TOX: variants seen among roughly 807,000 people sequenced by gnomAD.
The protein encoded by TOX is thymocyte selection associated high mobility group box, also known as thymocyte selection-associated high mobility group box protein TOX.
In TOX, 11 loss-of-function variants were observed where a neutral mutation model predicts 53.7. The ratio of observed to expected loss-of-function variants is 0.20; its 90% CI spans 0.13 to 0.34. The LOEUF (loss-of-function observed/expected upper bound fraction) is 0.34. Among genes scored for constraint, TOX ranks in the 10% least tolerant of loss-of-function variants. The pLI is 1.00. For missense variants in TOX, 570 were observed against 664.6 expected, an observed-to-expected ratio of 0.86 and a Z score of 1.56; for synonymous variants, 225 against 245.3, an observed-to-expected ratio of 0.92 and a Z score of 0.77.
intron 3 of TOX, among the ~76,000 whole-genome samples, chr8:58,879,662 G>A (rs1468496061): frequency 2.0e-5 from 3 of 152,176 alleles, no homozygotes; most frequent in South Asian, 2.1e-4. Flanking sequence ...GCCACAGTAC[G>A]TTCCCTGCAA....
At chr8:59,097,104 T>G (rs1415312060) in intron 1 of TOX, among the ~76,000 whole-genome samples, 2 of 152,156 alleles carry the variant, frequency 1.3e-5, no homozygotes, top group Non-Finnish European at 2.9e-5. Context: ...GGGGAACACG[T>G]GATCAGGAAG....
chr8:59,111,265 T>C (rs996306519), intron 1 of TOX, among the ~76,000 whole-genome samples: 1 of 152,184 alleles, frequency 6.6e-6, no homozygotes, highest in African/African-American at 2.4e-5. Flanking sequence ...AGTCTTTCCC[T>C]GAGAAAGGCC....
intron 2 of TOX, among the ~76,000 whole-genome samples, chr8:58,946,297 C>T (rs904782874): frequency 2.0e-5 from 3 of 152,084 alleles, no homozygotes; most frequent in Admixed American, 6.5e-5. Context: ...TTCCTCTGTA[C>T]ATTTTTAGAA....
At position 59,044,287 on chromosome 8, in the gene TOX, T is replaced by C. The variant is rs141718516; in HGVS notation, c.102+74599A>G. Among the ~76,000 whole-genome samples the C allele has an allele frequency of 2.0e-5, 3 of 150,500 alleles. No individual in the cohort carries two copies. In the East Asian group the frequency reaches 5.9e-4, roughly 30 times the overall value. On this transcript the variant is annotated intron_variant, in intron 1 of 8. Coordinates refer to ENST00000361421, the MANE Select transcript of TOX (RefSeq NM_014729.3). Reference sequence around the variant, plus strand: ...CCAACACTGTGTGAAGCAACAGCTCTGCCAAAACTGTGAATAATTAACAGA... The same window carrying C: ...CCAACACTGTGTGAAGCAACAGCTCCGCCAAAACTGTGAATAATTAACAGA...
intron 3 of TOX, among the ~76,000 whole-genome samples, chr8:58,893,014 G>A (rs1318995893): frequency 1.3e-5 from 2 of 152,136 alleles, no homozygotes; most frequent in Non-Finnish European, 2.9e-5. Flanking sequence ...AACACCATAT[G>A]TTTCAGGTCA....
intron 1 of TOX, among the ~76,000 whole-genome samples, chr8:59,015,337 A>C (rs1262850152): frequency 6.6e-6 from 1 of 152,254 alleles, no homozygotes; most frequent in Non-Finnish European, 1.5e-5. Context: ...TTTCTCAAAC[A>C]TATAGCTGAA....
intron 3 of TOX, among the ~76,000 whole-genome samples, chr8:58,923,982 A>C (rs1812115529): frequency 6.6e-6 from 1 of 152,220 alleles, no homozygotes; most frequent in Admixed American, 6.5e-5. Flanking sequence ...TCAGTTTGGG[A>C]ATCAACTTTC....
intron 3 of TOX, among the ~76,000 whole-genome samples, chr8:58,859,378 T>C (rs547077371): frequency 1.6e-4 from 24 of 152,316 alleles, no homozygotes; most frequent in African/African-American, 5.3e-4. Flanking sequence ...TGATTTCAAC[T>C]CTGCATTTCC....
At chr8:59,103,568 AC>A (rs1473065598) in intron 1 of TOX, among the ~76,000 whole-genome samples, 1 of 152,200 alleles carries the variant, frequency 6.6e-6, no homozygotes, top group East Asian at 1.9e-4. Context: ...GCCTTCTAAG[AC>A]CTATGTAGAT....
intron 3 of TOX, among the ~76,000 whole-genome samples, chr8:58,867,501 G>C (rs532008470): frequency 6.6e-6 from 1 of 152,070 alleles, no homozygotes; most frequent in Non-Finnish European, 1.5e-5. Flanking sequence ...AGGCTTTCCC[G>C]GACAAGCCTA....
rs79795672 is a variant in TOX, at chr8:59,034,865, G to A, written c.103-74857C>T. 5.1e-3 allele frequency among the ~76,000 whole-genome samples: 781 copies of A among 152,270 alleles called. 11 individuals carry two copies. Among genetic ancestry groups the A allele is most frequent in the African/African-American group, 0.017 (721 of 41,560 alleles). On this transcript the variant is annotated intron_variant, in intron 1 of 8. Coordinates refer to ENST00000361421, the MANE Select transcript of TOX (RefSeq NM_014729.3). The stretch of plus-strand genomic sequence containing the variant: ...CATTTTGTCCACACAGCAACCCTAC[G>A]GGGTAGGAATGAGTATCATCCCCAT...
intron 1 of TOX, among the ~76,000 whole-genome samples, chr8:59,007,592 T>A (rs1813815649): frequency 1.3e-5 from 2 of 152,176 alleles, no homozygotes; most frequent in Admixed American, 6.5e-5. Flanking sequence ...AAATCACAAT[T>A]TCAGTAAGAA....
chr8:58,907,371 A>G (rs1373386134), intron 3 of TOX, among the ~76,000 whole-genome samples: 3 of 151,508 alleles, frequency 2.0e-5, no homozygotes, highest in Admixed American at 2.0e-4. Context: ...ATTCAGGCAG[A>G]CCACCTGAGG....
At chr8:59,060,207 G>C (rs1358600291) in intron 1 of TOX, among the ~76,000 whole-genome samples, 2 of 152,208 alleles carry the variant, frequency 1.3e-5, no homozygotes, top group South Asian at 4.2e-4. Context: ...GACAACATTT[G>C]ATAGCCCCGT....
In TOX at chr8:58,815,467, G is replaced by C; in HGVS notation, c.1263C>G (p.Leu421=). Residue 421 remains leucine (L), a synonymous_variant, in exon 7 of 9, where the codon CTC becomes CTG. Coordinates refer to ENST00000361421, the MANE Select transcript of TOX (RefSeq NM_014729.3). ...ANMAVSPPPP[L]QISPPLHQHL... ...GCTGGTGAAGAGGCGGGCTGATCTG[G>C]AGGGGAGGAGGAGGGGACACAGCCA... 3 of 1,614,108 alleles carry C rather than the reference G, an allele frequency of 1.9e-6. No individual in the cohort carries two copies. Among genetic ancestry groups the C allele is most frequent in the Admixed American group, 1.7e-5 (1 of 60,028 alleles).
At chr8:58,939,250 G>A in intron 3 of TOX, 52 bp downstream of exon 3, 1 of 1,601,670 alleles carries the variant, frequency 6.2e-7, no homozygotes, top group Non-Finnish European at 8.5e-7. Context: ...CTTGGTCCTT[G>A]TCCTTATGGT....
At chr8:59,038,017 T>C (rs1006053856) in intron 1 of TOX, among the ~76,000 whole-genome samples, 5 of 152,168 alleles carry the variant, frequency 3.3e-5, no homozygotes, top group African/African-American at 7.2e-5. Flanking sequence ...CTAGTGTCTC[T>C]ATGACTTTTG....
chr8:58,975,617 T>C (rs953906063), intron 1 of TOX, among the ~76,000 whole-genome samples: 1 of 152,216 alleles, frequency 6.6e-6, no homozygotes, highest in Non-Finnish European at 1.5e-5. Flanking sequence ...GTGCATACCT[T>C]AATTAAAACA....
chr8:58,871,026 AG>A, intron 3 of TOX, among the ~76,000 whole-genome samples: 1 of 152,294 alleles, frequency 6.6e-6, no homozygotes, highest in Middle Eastern at 3.4e-3. Context: ...AGTAAAAAAA[AG>A]TCCTTCAATA....
Sources: gnomAD v4.1 joint callset for allele counts (sites outside exome capture counted in the v4.1 genomes callset) on GRCh38, gnomAD v4.1.1 for gene constraint, MANE v1.5 for transcripts, NCBI Gene and HGNC (gene_info 2026-07-23, HGNC 2026-07-21) for gene names.